The following EML6 variants were observed in gnomAD, a reference collection of about 807,000 sequenced individuals.
EML6 encodes the protein EMAP like 6, also known as echinoderm microtubule-associated protein-like 6.
EML6 carries 154 observed loss-of-function variants against 240.1 expected under a neutral mutation model. The ratio of observed to expected loss-of-function variants is 0.64; its 90% CI spans 0.56 to 0.73. The LOEUF (loss-of-function observed/expected upper bound fraction) is 0.73. Among genes scored for constraint, EML6 ranks in the 30% least tolerant of loss-of-function variants. The pLI, the probability that EML6 is intolerant of heterozygous loss-of-function variation, is 0.00. For synonymous variants in EML6, 1,148 were observed against 899.0 expected (o/e 1.28, Z -4.95); for missense variants, 2,964 against 2,474.6 (o/e 1.20, Z -4.20).
chr2:54,845,557 A>G (rs549128660), intron 8 of EML6, among the ~76,000 whole-genome samples: 1 of 152,212 alleles, frequency 6.6e-6, no homozygotes, highest in Admixed American at 6.5e-5. Context: ...AAAAGTCATA[A>G]TTTCTTGAGA....
intron 7 of EML6, among the ~76,000 whole-genome samples, chr2:54,838,770 C>G (rs372891224): frequency 7.2e-5 from 11 of 152,312 alleles, no homozygotes; most frequent in African/African-American, 2.6e-4. Context: ...AGCATAGGCC[C>G]AAGCTCCACG....
intron 2 of EML6, among the ~76,000 whole-genome samples, chr2:54,745,073 G>A (rs1683855258): frequency 6.6e-6 from 1 of 152,136 alleles, no homozygotes; most frequent in African/African-American, 2.4e-5. Context: ...CTTTACAAGA[G>A]AAGGGATGCT....
chr2:54,753,231 T>C (rs561834751), intron 2 of EML6, among the ~76,000 whole-genome samples: 6 of 152,344 alleles, frequency 3.9e-5, no homozygotes, highest in Non-Finnish European at 5.9e-5. Context: ...AGTACCACAT[T>C]GTGTTTTTAA....
intron 2 of EML6, among the ~76,000 whole-genome samples, chr2:54,739,486 C>T (rs1200579166): frequency 6.6e-6 from 1 of 152,032 alleles, no homozygotes; most frequent in Non-Finnish European, 1.5e-5. Context: ...GGTACATGGA[C>T]CCCCAGGTTA....
Position 54,970,394 on chromosome 2 carries a change from A to C in EML6, c.*299A>C. The C allele has an allele frequency of 2.7e-6, 1 of 366,484 alleles. No individual in the cohort carries two copies. The highest frequency in any genetic ancestry group is 5.0e-6 in the Non-Finnish European group (1 of 199,888). 22.7% of individuals were successfully genotyped at this position (366,484 alleles called of 1,614,324 possible). On this transcript the variant is annotated 3_prime_UTR_variant, in exon 42 of 42. Coordinates refer to ENST00000356458, the MANE Select transcript of EML6 (RefSeq NM_001039753.4). ...ACAAAGAAATCCTATCTGATAATGTAGCCCGCTGACGAATTTTGAAGCCTC... is the reference window on the plus strand; with the variant it reads ...ACAAAGAAATCCTATCTGATAATGTCGCCCGCTGACGAATTTTGAAGCCTC...
At chr2:54,728,258 G>A (rs556808786) in intron 2 of EML6, among the ~76,000 whole-genome samples, 11 of 152,278 alleles carry the variant, frequency 7.2e-5, no homozygotes, top group Admixed American at 2.0e-4. Context: ...TTCTACTTTA[G>A]GTAGTAGAAC....
At chr2:54,785,074 G>C (rs1436259627) in intron 2 of EML6, among the ~76,000 whole-genome samples, 4 of 152,050 alleles carry the variant, frequency 2.6e-5, no homozygotes, top group Admixed American at 6.6e-5. Context: ...ACTTCACAGG[G>C]GGTCCCACAG....
chr2:54,731,530 A>G (rs1264918470), intron 2 of EML6, among the ~76,000 whole-genome samples: 2 of 151,946 alleles, frequency 1.3e-5, no homozygotes, highest in African/African-American at 4.8e-5. Flanking sequence ...GGTCTCAGCT[A>G]CTTGGGAGCC....
At chr2:54,761,149 T>A (rs1667963434) in intron 2 of EML6, among the ~76,000 whole-genome samples, 1 of 152,088 alleles carries the variant, frequency 6.6e-6, no homozygotes. Context: ...AGAAATTGTT[T>A]TCCATATGGT....
At chr2:54,927,484 G>A (rs768510373) in intron 26 of EML6, among the ~76,000 whole-genome samples, 1 of 152,182 alleles carries the variant, frequency 6.6e-6, no homozygotes, top group African/African-American at 2.4e-5. Context: ...CCTCGGAGTC[G>A]CTGAGAGGAT....
intron 15 of EML6, 27 bp from the exon 16 acceptor site, chr2:54,871,473 T>G: frequency 6.7e-7 from 1 of 1,493,232 alleles, no homozygotes; most frequent in Non-Finnish European, 9.1e-7. Flanking sequence ...GTGTTAGTAG[T>G]TAATAACAGT....
intron 26 of EML6, among the ~76,000 whole-genome samples, chr2:54,923,823 C>T (rs1008804898): frequency 6.6e-6 from 1 of 152,068 alleles, no homozygotes; most frequent in Non-Finnish European, 1.5e-5. Flanking sequence ...TCAGCTGAAA[C>T]AACTGTTCCA....
Position 54,895,019 on chromosome 2 carries a change from C to T in EML6, c.2847C>T (p.Ser949=), listed in dbSNP as rs1237186602. The change falls in exon 20 of 42, where the codon AGC becomes AGT. Residue 949 remains serine (S), a synonymous_variant. Coordinates refer to ENST00000356458, the MANE Select transcript of EML6 (RefSeq NM_001039753.4). ...TTAAAAGATCAGCATTGTCGACTAG[C>T]TCAAAAGGTGCCACTCCCAAACATG... is the stretch of plus-strand genomic sequence containing the variant. ...YAIKRSALST[S]SKGLLLEDNP... is the part of the protein sequence containing the mutation. The T allele has an allele frequency of 1.4e-5, 21 of 1,548,076 alleles. No homozygotes were observed. The highest frequency in any genetic ancestry group is 1.7e-4 in the Middle Eastern group (1 of 6,008).
At chr2:54,781,843 TA>T (rs1397062322) in intron 2 of EML6, among the ~76,000 whole-genome samples, 6 of 152,086 alleles carry the variant, frequency 3.9e-5, no homozygotes, top group Non-Finnish European at 5.9e-5. Context: ...CTAATTTTTT[TA>T]TTTTTTTAGA....
At chr2:54,952,498 A>G (rs1039624448) in intron 30 of EML6, 96 bp from the exon 31 acceptor site, 18 of 691,906 alleles carry the variant, frequency 2.6e-5, no homozygotes, top group African/African-American at 2.5e-4. Context: ...TCTCACTTTT[A>G]TAAGAAGTAT....
rs374590447 is a variant in EML6 at position 54,795,040 on chromosome 2, A to G, written c.198-18192A>G. Among the ~76,000 whole-genome samples the G allele has an allele frequency of 3.9e-5, 6 of 152,042 alleles. No individual in the cohort carries two copies. The South Asian group carries it at 6.2e-4, about 16-fold the overall frequency. ...TACCACGCCATTCTTACATAGTACT[A>G]TTTATTCGTGTTTTTTTGTTTGTTT... On this transcript the variant is annotated intron_variant, in intron 2 of 41. Transcript: ENST00000356458.
chr2:54,855,458 G>GCCCCCCCC (rs11297060), intron 11 of EML6, among the ~76,000 whole-genome samples: 9 of 124,110 alleles, frequency 7.3e-5, no homozygotes, highest in Non-Finnish European at 1.0e-4. Flanking sequence ...CTTCTACCAT[G>GCCCCCCCC]CCCCCCCCCC....
chr2:54,886,529 A>G (rs1010680926), intron 17 of EML6, among the ~76,000 whole-genome samples: 1 of 152,158 alleles, frequency 6.6e-6, no homozygotes, highest in African/African-American at 2.4e-5. Flanking sequence ...GAGAATGGAA[A>G]ATGGTGCAGC....
At chr2:54,918,452 A>C (rs1674049414) in intron 26 of EML6, among the ~76,000 whole-genome samples, 1 of 152,162 alleles carries the variant, frequency 6.6e-6, no homozygotes, top group African/African-American at 2.4e-5. Flanking sequence ...AGACTCAAGC[A>C]ATCAATCCAC....
Sources: allele counts gnomAD v4.1 joint callset (sites outside exome capture counted in the v4.1 genomes callset), GRCh38; gene constraint gnomAD v4.1.1; transcripts MANE v1.5; gene names NCBI Gene and HGNC (gene_info 2026-07-23, HGNC 2026-07-21).